Variants in RABGEF1 observed in about 807,000 individuals in gnomAD.
RABGEF1 encodes rab5 GDP/GTP exchange factor.
RABGEF1 carries 26 observed loss-of-function variants against 57.3 expected under a neutral mutation model. The ratio of observed to expected loss-of-function variants is 0.45; its 90% CI spans 0.33 to 0.63. RABGEF1 has a LOEUF of 0.63. Among genes scored for constraint, RABGEF1 ranks in the 20% least tolerant of loss-of-function variants. The pLI is 0.02. For missense variants in RABGEF1, 464 were observed against 607.6 expected (o/e 0.76, Z 2.48); for synonymous variants, 185 against 210.7 (o/e 0.88, Z 1.06).
chr7:66,678,606 C>CAGGG (rs1287724513), upstream of RABGEF1, among the ~76,000 whole-genome samples: 1 of 151,406 alleles, frequency 6.6e-6, no homozygotes, highest in Admixed American at 6.6e-5. Context: ...CCAGTGGACC[C>CAGGG]AGGGAGGGAG....
chr7:66,707,380 T>G (rs1030596664), intron 1 of RABGEF1, among the ~76,000 whole-genome samples: 1 of 152,204 alleles, frequency 6.6e-6, no homozygotes, highest in African/African-American at 2.4e-5. Context: ...TGATCTGATA[T>G]CTAGTTGTTC....
At chr7:66,679,035 G>C (rs1285694445), upstream of RABGEF1, among the ~76,000 whole-genome samples, 2 of 152,188 alleles carry the variant, frequency 1.3e-5, no homozygotes, top group African/African-American at 4.8e-5. Flanking sequence ...CAGTAAGTCA[G>C]ACTTTCCAGC....
chr7:66,709,879 A>G (rs1478149639), intron 1 of RABGEF1, among the ~76,000 whole-genome samples: 1 of 152,252 alleles, frequency 6.6e-6, no homozygotes, highest in Non-Finnish European at 1.5e-5. Context: ...AATACTAGAA[A>G]CAATTGGGTA....
At chr7:66,685,780 A>G (rs1790531054) in intron 1 of RABGEF1, among the ~76,000 whole-genome samples, 1 of 152,202 alleles carries the variant, frequency 6.6e-6, no homozygotes, top group South Asian at 2.1e-4. Context: ...CTGTTTACCT[A>G]TGTCAGTCTC....
chr7:66,732,749 C>CGCTCTCTT (rs1382888608), intron 2 of RABGEF1, among the ~76,000 whole-genome samples: 1 of 152,122 alleles, frequency 6.6e-6, no homozygotes, highest in South Asian at 2.1e-4. Context: ...CTGTCTCTCT[C>CGCTCTCTT]GCTCTCTTGC....
chr7:66,709,861 T>TA (rs1158764772), intron 1 of RABGEF1, among the ~76,000 whole-genome samples: 1 of 152,070 alleles, frequency 6.6e-6, no homozygotes, highest in East Asian at 1.9e-4. Context: ...CATGTACACC[T>TA]AGGAGGTAAT....
Position 66,809,361 on chromosome 7 carries a change from G to C in RABGEF1, c.*77G>C. ...ACTACACTCAACTGATTGGGATCTA[G>C]AATGTAACTAAATTGCTTATAAATG... On this transcript the variant is annotated 3_prime_UTR_variant, in exon 9 of 9. Coordinates refer to ENST00000284957, the MANE Select transcript of RABGEF1 (RefSeq NM_014504.3). 1 of 1,441,726 alleles carries C rather than the reference G, an allele frequency of 6.9e-7. No individual in the cohort carries two copies. The highest frequency in any genetic ancestry group is 9.3e-7 in the Non-Finnish European group (1 of 1,074,496). 89.3% of individuals were successfully genotyped at this position (1,441,726 alleles called of 1,614,324 possible).
At chr7:66,771,086 T>TC (rs1456615031) in intron 1 of RABGEF1, among the ~76,000 whole-genome samples, 1 of 152,134 alleles carries the variant, frequency 6.6e-6, no homozygotes, top group African/African-American at 2.4e-5. Context: ...TGTGTGTTGT[T>TC]CCTTTTTACC....
intron 1 of RABGEF1, among the ~76,000 whole-genome samples, chr7:66,702,720 T>C (rs1793477478): frequency 6.6e-6 from 1 of 152,200 alleles, no homozygotes; most frequent in African/African-American, 2.4e-5. Context: ...ATTTCACTAA[T>C]GATTAATGAT....
intron 1 of RABGEF1, among the ~76,000 whole-genome samples, chr7:66,709,169 C>T (rs1361732245): frequency 1.3e-5 from 2 of 151,810 alleles, no homozygotes; most frequent in Non-Finnish European, 2.9e-5. Flanking sequence ...CCACCATGCC[C>T]GGCTAATTTT....
chr7:66,772,160 C>A, intron 2 of RABGEF1, 82 bp downstream of exon 2: 1 of 1,158,922 alleles, frequency 8.6e-7, no homozygotes, highest in Non-Finnish European at 1.1e-6. Flanking sequence ...CATTTTTTCA[C>A]TTCTGCTTTG....
intron 1 of RABGEF1, among the ~76,000 whole-genome samples, chr7:66,741,492 G>C (rs1798935559): frequency 6.6e-6 from 1 of 152,172 alleles, no homozygotes; most frequent in Non-Finnish European, 1.5e-5. Flanking sequence ...CCGCTTTGGA[G>C]GCTAGGTCAT....
At chr7:66,702,699 T>C (rs113130022) in intron 1 of RABGEF1, among the ~76,000 whole-genome samples, 3,347 of 152,282 alleles carry the variant, frequency 0.022, 56 homozygotes, top group Middle Eastern at 0.041. Context: ...CTTATTGTGG[T>C]TTTCACTTAC....
At chr7:66,670,265 C>T in the RABGEF1 span, among the ~76,000 whole-genome samples, 1 of 152,088 alleles carries the variant, frequency 6.6e-6, no homozygotes, top group African/African-American at 2.4e-5. Context: ...CCCTGCAATT[C>T]TTTCCCCACT....
chr7:66,686,915 G>A (rs1790730887), intron 1 of RABGEF1, among the ~76,000 whole-genome samples: 1 of 150,550 alleles, frequency 6.6e-6, no homozygotes, highest in African/African-American at 2.4e-5. Flanking sequence ...TCCGCCTCCC[G>A]GGTTCAAGCC....
intron 1 of RABGEF1, among the ~76,000 whole-genome samples, chr7:66,689,754 A>G (rs371440792): frequency 6.6e-6 from 1 of 151,702 alleles, no homozygotes; most frequent in African/African-American, 2.4e-5. Flanking sequence ...GTGAACCGAG[A>G]TTGCACCATT....
intron 1 of RABGEF1, among the ~76,000 whole-genome samples, chr7:66,749,539 T>C (rs1226080041): frequency 6.6e-6 from 1 of 152,240 alleles, no homozygotes; most frequent in Non-Finnish European, 1.5e-5. Flanking sequence ...GTTGTTCACC[T>C]GTAGTCCCAA....
chr7:66,802,583 C>T, intron 7 of RABGEF1, among the ~76,000 whole-genome samples: 1 of 152,172 alleles, frequency 6.6e-6, no homozygotes, highest in South Asian at 2.1e-4. Context: ...GTTGCTTTCT[C>T]CTCACATGTC....
intron 4 of RABGEF1, among the ~76,000 whole-genome samples, chr7:66,789,781 G>A (rs1490190826): frequency 2.0e-5 from 3 of 151,694 alleles, no homozygotes; most frequent in Non-Finnish European, 2.9e-5. Flanking sequence ...AGTGATAGGC[G>A]AGGGGAAACT....
Sources: allele counts gnomAD v4.1 joint callset (sites outside exome capture counted in the v4.1 genomes callset), GRCh38; gene constraint gnomAD v4.1.1; transcripts MANE v1.5; gene names NCBI Gene and HGNC (gene_info 2026-07-23, HGNC 2026-07-21).